The following WNK2 variants were observed in gnomAD, a reference collection of about 807,000 sequenced individuals.
The protein encoded by WNK2 is WNK lysine deficient protein kinase 2.
Under a neutral mutation model 192.1 loss-of-function variants are expected in WNK2, and 67 were observed. The observed-to-expected ratio is 0.35, with a 90% CI of 0.29 to 0.43. WNK2 has a LOEUF of 0.43. Ranked by LOEUF, WNK2 falls within the 20% of genes least tolerant of loss-of-function variation. WNK2 has a pLI of 1.00. For missense variants in WNK2, 2,698 were observed against 3,089.7 expected, an observed-to-expected ratio of 0.87 and a Z score of 3.01; for synonymous variants, 1,439 against 1,393.9, an observed-to-expected ratio of 1.03 and a Z score of -0.72.
At chr9:93,202,525 G>A (rs968176625) in intron 2 of WNK2, among the ~76,000 whole-genome samples, 1 of 152,136 alleles carries the variant, frequency 6.6e-6, no homozygotes, top group Non-Finnish European at 1.5e-5. Context: ...TGCTTGGGAG[G>A]GGCGGGAACT....
rs577808252 is a variant in WNK2 at position 93,264,027 on chromosome 9, G to A, written c.3690G>A (p.Thr1230=). 8.1e-6 allele frequency: 13 copies of A among 1,611,800 alleles called. No individual in the cohort carries two copies. The highest frequency in any genetic ancestry group is 5.3e-5 in the African/African-American group (4 of 74,982). ...LDGDAPDEIA[T]YMVEHDFILQ... ...GGGACGCACCCGATGAAATTGCCAC[G>A]TATATGGTGAGGCTGGGTCTGGGTG... Residue 1230 remains threonine, a synonymous_variant, in exon 16 of 30, where the codon ACG becomes ACA. Transcript: ENST00000427277.
Position 93,320,453 on chromosome 9 carries a change from G to T in WNK2, c.*61G>T. On this transcript the variant is annotated 3_prime_UTR_variant, in exon 30 of 30. Coordinates refer to ENST00000427277, the MANE Select transcript of WNK2 (RefSeq NM_006648.4). ...AAGTGGAGAAGTGACGGACCCTCAG[G>T]GCCAGCTGCTCCTCCTGTCCAGTTC... is the stretch of plus-strand genomic sequence containing the variant. 1 of 1,363,340 alleles carries T rather than the reference G, an allele frequency of 7.3e-7. No individual in the cohort carries two copies. Among genetic ancestry groups the T allele is most frequent in the Non-Finnish European group, 9.8e-7 (1 of 1,018,282 alleles). The allele number at this position is 1,363,340 out of a possible 1,614,324, so 84.5% of individuals were successfully genotyped here. A position where few individuals can be genotyped will look rare whatever the true frequency, so the allele number is the denominator to read the frequency against.
At chr9:93,241,581 C>T (rs2132322412) in intron 7 of WNK2, among the ~76,000 whole-genome samples, 1 of 152,232 alleles carries the variant, frequency 6.6e-6, no homozygotes, top group South Asian at 2.1e-4. Flanking sequence ...GAGGGGGTTG[C>T]AGAGAGGTGG....
intron 27 of WNK2, 114 bp downstream of exon 27, chr9:93,306,935 C>G: frequency 3.0e-6 from 4 of 1,321,154 alleles, no homozygotes; most frequent in Admixed American, 1.7e-5. Flanking sequence ...CTGTGCCTGC[C>G]CCGCGCCTGC....
At chr9:93,262,559 G>A in intron 13 of WNK2, 111 bp from the exon 14 acceptor site, 1 of 1,195,734 alleles carries the variant, frequency 8.4e-7, no homozygotes. Flanking sequence ...AACGCAGCGG[G>A]GCAGGCTGGG....
chr9:93,233,777 T>C (rs1488089414), intron 4 of WNK2, among the ~76,000 whole-genome samples: 2 of 150,874 alleles, frequency 1.3e-5, no homozygotes, highest in African/African-American at 4.9e-5. Context: ...TAAAATGCAC[T>C]AATTAGTTAG....
At position 93,317,604 on chromosome 9, in the gene WNK2, G is replaced by T; in HGVS notation, c.6601G>T (p.Ala2201Ser). Residue 2201 changes from alanine (A) to serine (S), a missense_variant, in exon 29 of 30, where the codon GCC becomes TCC. By Grantham distance (99) the Ala-to-Ser change is moderately conservative. Transcript: ENST00000427277. Reference sequence around the variant, plus strand: ...GTCCACCACGGTCATTCCCGGAGCCGCCCCGACCCTGTCCGTGCCCACACC... The same window carrying T: ...GTCCACCACGGTCATTCCCGGAGCCTCCCCGACCCTGTCCGTGCCCACACC... ...PLSTTVIPGA[A>S]PTLSVPTPDP... The T allele has an allele frequency of 6.2e-7, 1 of 1,612,926 alleles. No homozygotes were observed. Among genetic ancestry groups the T allele is most frequent in the Non-Finnish European group, 8.5e-7 (1 of 1,179,840 alleles).
intron 24 of WNK2, among the ~76,000 whole-genome samples, chr9:93,298,750 G>A (rs1388605651): frequency 2.0e-5 from 3 of 152,188 alleles, no homozygotes; most frequent in Non-Finnish European, 4.4e-5. Flanking sequence ...CCCATTACAC[G>A]AATTCAGAGA....
At chr9:93,301,523 G>A (rs180981003) in intron 26 of WNK2, among the ~76,000 whole-genome samples, 1 of 152,352 alleles carries the variant, frequency 6.6e-6, no homozygotes, top group Admixed American at 6.5e-5. Flanking sequence ...TGGTCTGGGG[G>A]TCTGGGTGGC....
At chr9:93,320,315 G>A in intron 29 of WNK2, 52 bp from the exon 30 acceptor site, 1 of 1,366,884 alleles carries the variant, frequency 7.3e-7, no homozygotes, top group South Asian at 1.1e-5. Flanking sequence ...CCCTTGGCGA[G>A]TGGCCAGCAC....
At position 93,234,962 on chromosome 9, in the gene WNK2, C is replaced by T. The variant is rs149312859; in HGVS notation, c.1230C>T (p.Thr410=). Residue 410 remains threonine (T), a synonymous_variant, in exon 5 of 30, where the codon ACC becomes ACT. Transcript: ENST00000427277. Reference sequence around the variant, plus strand: ...CGGCCCAGATCTACCGCAAGGTCACCTGTGTGAGTCCACCTGGCCCCTTGG... The same window carrying T: ...CGGCCCAGATCTACCGCAAGGTCACTTGTGTGAGTCCACCTGGCCCCTTGG... The part of the protein sequence containing the change: ...QNAAQIYRKV[T]CGIKPASFEK... The T allele has an allele frequency of 9.9e-6, 16 of 1,613,928 alleles. No individual in the cohort carries two copies. The highest frequency in any genetic ancestry group is 8.3e-5 in the Admixed American group (5 of 60,002).
Position 93,297,836 on chromosome 9 carries a change from C to T in WNK2, c.5709-17C>T. 6.4e-7 allele frequency: 1 copy of T among 1,561,084 alleles called. No homozygotes were observed. The highest frequency in any genetic ancestry group is 8.7e-7 in the Non-Finnish European group (1 of 1,154,200). On this transcript the variant is annotated splice_polypyrimidine_tract_variant and intron_variant, in intron 23 of 29. Transcript: ENST00000427277. ...CCGAGGAAGCCCATCGGCGCTCCCTCCTGTCCCCTCCTGCAGGCACCTGAA... is the reference window on the plus strand; with the variant it reads ...CCGAGGAAGCCCATCGGCGCTCCCTTCTGTCCCCTCCTGCAGGCACCTGAA...
chr9:93,247,316 G>A lies in WNK2; in HGVS notation c.1543-227G>A, dbSNP rs920153268. Among the ~76,000 whole-genome samples the A allele has an allele frequency of 2.0e-5, 3 of 152,222 alleles. No homozygotes were observed. The highest frequency in any genetic ancestry group is 7.2e-5 in the African/African-American group (3 of 41,460). On this transcript the variant is annotated intron_variant, in intron 7 of 29. Transcript: ENST00000427277. This position sits in a 1 kb window ranked among gnomAD's most constrained non-coding sequence, Gnocchi z 5.2. ...CTGCTTTGCTCTTGCTGTGGACTCT[G>A]CGGGATGCAGGTCAGGCCTGCGTGG...
At chr9:93,288,402 A>G (rs978261252) in intron 19 of WNK2, among the ~76,000 whole-genome samples, 6 of 152,232 alleles carry the variant, frequency 3.9e-5, no homozygotes, top group African/African-American at 1.2e-4. Flanking sequence ...AAGATAGACA[A>G]GAGCCGTATC....
chr9:93,279,090 C>T (rs1483348102), intron 19 of WNK2, among the ~76,000 whole-genome samples: 1 of 152,170 alleles, frequency 6.6e-6, no homozygotes, highest in African/African-American at 2.4e-5. Flanking sequence ...TCTGTTCTTC[C>T]ACCTCTCTTC....
intron 4 of WNK2, among the ~76,000 whole-genome samples, chr9:93,233,030 A>AAGAAAG (rs1309168400): frequency 6.6e-6 from 1 of 151,526 alleles, no homozygotes; most frequent in African/African-American, 2.4e-5. Flanking sequence ...AAAGAAAGAA[A>AAGAAAG]AGAAAGAGAA....
chr9:93,306,912 G>T, intron 27 of WNK2, 91 bp downstream of exon 27: 1 of 1,534,962 alleles, frequency 6.5e-7, no homozygotes, highest in Non-Finnish European at 9.0e-7. Context: ...GGCCGGGCGG[G>T]CGTGGGCCTG....
At chr9:93,279,837 A>C (rs962181360) in intron 19 of WNK2, among the ~76,000 whole-genome samples, 1 of 152,120 alleles carries the variant, frequency 6.6e-6, no homozygotes, top group Non-Finnish European at 1.5e-5. Flanking sequence ...GTAACAGTTG[A>C]TCATCCTTAT....
intron 21 of WNK2, among the ~76,000 whole-genome samples, chr9:93,291,572 AT>A (rs1311075134): frequency 1.3e-5 from 2 of 152,160 alleles, no homozygotes. Flanking sequence ...CTCCTTAGGA[AT>A]CTGATTTGGG....
Sources: allele counts gnomAD v4.1 joint callset (sites outside exome capture counted in the v4.1 genomes callset), GRCh38; gene constraint gnomAD v4.1.1; non-coding constraint Gnocchi (gnomAD v3.1); transcripts MANE v1.5; gene names NCBI Gene and HGNC (gene_info 2026-07-23, HGNC 2026-07-21).